The following TENM4 variants were observed in gnomAD, a reference collection of about 807,000 sequenced individuals.
TENM4 encodes the protein teneurin-4.
In TENM4, 82 loss-of-function variants were observed where a neutral mutation model predicts 243.3. The ratio of observed to expected loss-of-function variants is 0.34; its 90% CI spans 0.28 to 0.40. The LOEUF (loss-of-function observed/expected upper bound fraction) is 0.40, where lower values mean the gene tolerates loss of function less well. Among genes scored for constraint, TENM4 ranks in the 10% least tolerant of loss-of-function variants. The pLI, the probability that TENM4 is intolerant of heterozygous loss-of-function variation, is 1.00. For synonymous variants in TENM4, 1,412 were observed against 1,456.3 expected, an observed-to-expected ratio of 0.97 and a Z score of 0.69; for missense variants, 3,138 against 3,673.3, an observed-to-expected ratio of 0.85 and a Z score of 3.77.
In TENM4 at chr11:79,349,862, T is replaced by G. The variant is rs565656942; in HGVS notation, c.-320-52319A>C. ...CCAGACTCACAAAGCAGTTAGATAG[T>G]AGGGCCTAGAGGAGAATTCATACTC... On this transcript the variant is annotated intron_variant, in intron 1 of 33. Coordinates refer to ENST00000278550, the MANE Select transcript of TENM4 (RefSeq NM_001098816.3). 3.3e-5 allele frequency among the ~76,000 whole-genome samples: 5 copies of G among 152,330 alleles called. No individual in the cohort carries two copies. The East Asian group carries it at 7.7e-4, about 24-fold the overall frequency.
At chr11:79,244,264 G>T (rs550630333) in intron 2 of TENM4, among the ~76,000 whole-genome samples, 171 of 152,308 alleles carry the variant, frequency 1.1e-3, no homozygotes, top group Non-Finnish European at 2.2e-3. Context: ...GGCTCCACCG[G>T]GGGTGAGCAG....
At chr11:79,175,886 A>T (rs1373314713) in intron 3 of TENM4, among the ~76,000 whole-genome samples, 1 of 152,052 alleles carries the variant, frequency 6.6e-6, no homozygotes, top group Non-Finnish European at 1.5e-5. Context: ...GGAGTTTGAG[A>T]CCAGCCTGGG....
intron 1 of TENM4, among the ~76,000 whole-genome samples, chr11:79,305,944 G>A (rs528243778): frequency 3.3e-5 from 5 of 152,296 alleles, no homozygotes; most frequent in South Asian, 2.1e-4. Flanking sequence ...CCTCAGAGCC[G>A]ACCTGTGGAG....
chr11:79,233,759 C>A (rs1303214894), intron 2 of TENM4, among the ~76,000 whole-genome samples: 2 of 152,174 alleles, frequency 1.3e-5, no homozygotes, highest in Non-Finnish European at 2.9e-5. Flanking sequence ...CCTTTGTGAA[C>A]TTTCAGTGGG....
intron 6 of TENM4, among the ~76,000 whole-genome samples, chr11:79,050,145 G>A (rs1009854097): frequency 1.3e-5 from 2 of 152,190 alleles, no homozygotes; most frequent in Non-Finnish European, 2.9e-5. Context: ...CTTATGAAAT[G>A]TCAGGTATTA....
Position 79,248,136 on chromosome 11 carries a change from C to A in TENM4, c.-264-32227G>T, listed in dbSNP as rs116701263. Among the ~76,000 whole-genome samples, 672 of 152,308 alleles carry A rather than the reference C, an allele frequency of 4.4e-3. 7 individuals are homozygous for A. Among genetic ancestry groups the A allele is most frequent in the African/African-American group, 0.016 (646 of 41,566 alleles). The stretch of plus-strand genomic sequence containing the variant: ...TTAATGTCCCCATGTGTCCTCAGCT[C>A]CTCTGAGGCTCAGGCCCCTCAGAAT... On this transcript the variant is annotated intron_variant, in intron 2 of 33. Transcript: ENST00000278550.
At chr11:79,106,089 A>G (rs1292753081) in intron 4 of TENM4, among the ~76,000 whole-genome samples, 2 of 152,230 alleles carry the variant, frequency 1.3e-5, no homozygotes, top group African/African-American at 4.8e-5. Flanking sequence ...AAGCCTCAAG[A>G]TAATCATATG....
intron 2 of TENM4, among the ~76,000 whole-genome samples, chr11:79,268,918 A>T (rs773086398): frequency 2.6e-5 from 4 of 152,230 alleles, no homozygotes; most frequent in Non-Finnish European, 5.9e-5. Flanking sequence ...AGCTTCATTC[A>T]GGCATGAGTT....
chr11:79,175,843 G>T (rs1443442271), intron 3 of TENM4, among the ~76,000 whole-genome samples: 1 of 152,136 alleles, frequency 6.6e-6, no homozygotes, highest in East Asian at 1.9e-4. Flanking sequence ...CCAGCATTTT[G>T]GGAGGCCAAG....
intron 6 of TENM4, among the ~76,000 whole-genome samples, chr11:78,920,989 G>A (rs1006010845): frequency 6.6e-6 from 1 of 152,206 alleles, no homozygotes; most frequent in Non-Finnish European, 1.5e-5. Context: ...GCACTGTGAA[G>A]TTTAACGCTA....
intron 2 of TENM4, among the ~76,000 whole-genome samples, chr11:79,218,233 C>CCCCG (rs1864091743): frequency 1.1e-5 from 1 of 87,584 alleles, no homozygotes; most frequent in Non-Finnish European, 2.6e-5. Context: ...ACCCCCTGCC[C>CCCCG]ACCCACCCCC....
At chr11:78,922,789 G>C (rs1856473601) in intron 6 of TENM4, among the ~76,000 whole-genome samples, 1 of 152,136 alleles carries the variant, frequency 6.6e-6, no homozygotes, top group African/African-American at 2.4e-5. Context: ...TACAAGGAGA[G>C]GCATTCGGGA....
chr11:79,060,540 G>C (rs555524518), intron 6 of TENM4, among the ~76,000 whole-genome samples: 1 of 152,180 alleles, frequency 6.6e-6, no homozygotes, highest in African/African-American at 2.4e-5. Flanking sequence ...AGGTTGCTGG[G>C]GGTTATGCTT....
chr11:79,347,762 CTTTTTT>C (rs528675032), intron 1 of TENM4, among the ~76,000 whole-genome samples: 11 of 94,724 alleles, frequency 1.2e-4, no homozygotes, highest in East Asian at 3.1e-4. Context: ...CTATCCTCTC[CTTTTTT>C]TTTTTTTTTT....
chr11:79,233,862 A>G (rs753671469), intron 2 of TENM4, among the ~76,000 whole-genome samples: 13 of 152,204 alleles, frequency 8.5e-5, no homozygotes, highest in Non-Finnish European at 1.6e-4. Context: ...GATCCTTCCA[A>G]TGAGCGAAAA....
At chr11:79,268,242 C>T (rs1467774000) in intron 2 of TENM4, among the ~76,000 whole-genome samples, 1 of 152,142 alleles carries the variant, frequency 6.6e-6, no homozygotes, top group East Asian at 1.9e-4. Flanking sequence ...GCTATATGAC[C>T]TCTGTTGCAA....
At chr11:78,887,598 A>G (rs1855574839) in intron 9 of TENM4, among the ~76,000 whole-genome samples, 1 of 152,226 alleles carries the variant, frequency 6.6e-6, no homozygotes, top group Admixed American at 6.5e-5. Flanking sequence ...GTTGGAAGGA[A>G]AATTAAAGGT....
chr11:79,107,867 A>T (rs188156779), intron 4 of TENM4, among the ~76,000 whole-genome samples: 3 of 152,354 alleles, frequency 2.0e-5, no homozygotes, highest in African/African-American at 7.2e-5. Flanking sequence ...TGGATTGGGA[A>T]AATCAGATAA....
At chr11:79,334,101 A>T (rs1857108374) in intron 1 of TENM4, among the ~76,000 whole-genome samples, 1 of 152,226 alleles carries the variant, frequency 6.6e-6, no homozygotes, top group Non-Finnish European at 1.5e-5. Flanking sequence ...TGACTACCTA[A>T]CTGGGCTTGT....
Sources: allele counts gnomAD v4.1 joint callset (sites outside exome capture counted in the v4.1 genomes callset), GRCh38; gene constraint gnomAD v4.1.1; transcripts MANE v1.5; gene names NCBI Gene and HGNC (gene_info 2026-07-23, HGNC 2026-07-21).